NCOA3: variants seen among roughly 807,000 people sequenced by gnomAD.
NCOA3 encodes CBP-interacting protein.
Under a neutral mutation model 158.8 loss-of-function variants are expected in NCOA3, and 51 were observed. The ratio of observed to expected loss-of-function variants is 0.32; its 90% CI spans 0.26 to 0.41. NCOA3 has a LOEUF of 0.41. Among genes scored for constraint, NCOA3 ranks in the 10% least tolerant of loss-of-function variants. The pLI is 1.00. For missense variants in NCOA3, 1,510 were observed against 1,746.6 expected (o/e 0.86, Z 2.41); for synonymous variants, 537 against 592.4 (o/e 0.91, Z 1.36).
At chr20:47,607,659 A>T (rs1222469188) in intron 2 of NCOA3, among the ~76,000 whole-genome samples, 2 of 152,224 alleles carry the variant, frequency 1.3e-5, no homozygotes, top group South Asian at 4.1e-4. Flanking sequence ...GTCTGACCCA[A>T]CTTAGAACTC....
intron 1 of NCOA3, among the ~76,000 whole-genome samples, chr20:47,544,366 C>G (rs993189942): frequency 2.7e-5 from 4 of 145,660 alleles, no homozygotes; most frequent in Non-Finnish European, 4.5e-5. Context: ...CACTGTCACC[C>G]AGGCTGGAAT....
In NCOA3 at chr20:47,655,836, C is replaced by G. The variant is rs896747286; in HGVS notation, c.*2419C>G. 6.6e-6 allele frequency: 1 copy of G among 152,404 alleles called. No homozygotes were observed. Among genetic ancestry groups the G allele is most frequent in the African/African-American group, 2.4e-5 (1 of 41,406 alleles). The allele number at this position is 152,404 out of a possible 1,614,324, so 9.4% of individuals were successfully genotyped here. On this transcript the variant is annotated 3_prime_UTR_variant, in exon 23 of 23. Transcript: ENST00000371998. ...ACCTGGCTCCAGGCTAACTGGAAGG[C>G]AGCACTCCCTTTTTTATATAGTAGA... is the stretch of plus-strand genomic sequence containing the variant.
intron 19 of NCOA3, among the ~76,000 whole-genome samples, chr20:47,649,492 AAAAT>A (rs1439324366): frequency 5.3e-5 from 8 of 152,162 alleles, no homozygotes; most frequent in Admixed American, 4.6e-4. Context: ...TATAAAGAAG[AAAAT>A]AAAGAATACA....
chr20:47,518,363 T>G (rs764704137), intron 1 of NCOA3, among the ~76,000 whole-genome samples: 8 of 149,962 alleles, frequency 5.3e-5, no homozygotes, highest in Non-Finnish European at 1.2e-4. Flanking sequence ...ATAAATTAAA[T>G]TGGGGGAAAA....
chr20:47,640,026 C>T lies in NCOA3; in HGVS notation c.3055C>T (p.Gln1019Ter). The T allele has an allele frequency of 6.2e-7, 1 of 1,614,152 alleles. No individual in the cohort carries two copies. Among genetic ancestry groups the T allele is most frequent in the Non-Finnish European group, 8.5e-7 (1 of 1,180,032 alleles). The change falls in exon 16 of 23, where the codon CAA becomes TAA. Residue 1019 changes from glutamine to a stop codon, truncating the protein, a stop_gained. Coordinates refer to ENST00000371998, the MANE Select transcript of NCOA3 (RefSeq NM_181659.3). LOFTEE classifies it high-confidence loss of function. ...GCCCGATGGCATGTTGTCCATGGAACAAGTTTCTCATGGCACTCAAAATAG... is the reference window on the plus strand; with the variant it reads ...GCCCGATGGCATGTTGTCCATGGAATAAGTTTCTCATGGCACTCAAAATAG... Reference protein sequence around the residue: ...SWPDGMLSMEQVSHGTQNRPL... With the variant: ...SWPDGMLSME
In NCOA3 at chr20:47,654,162, A is replaced by G. The variant is rs1307482558; in HGVS notation, c.*745A>G. The G allele has an allele frequency of 1.3e-5, 2 of 152,654 alleles. No homozygotes were observed. The highest frequency in any genetic ancestry group is 6.5e-5 in the Admixed American group (1 of 15,282). The allele number at this position is 152,654 out of a possible 1,614,324, so 9.5% of individuals were successfully genotyped here. A position where few individuals can be genotyped will look rare whatever the true frequency, so the allele number is the denominator to read the frequency against. ...TATTTAAAAAGAATGGATAAATGCAATATTCTTGAGGTCTTGAGGGAATAG... is the reference window on the plus strand; with the variant it reads ...TATTTAAAAAGAATGGATAAATGCAGTATTCTTGAGGTCTTGAGGGAATAG... On this transcript the variant is annotated 3_prime_UTR_variant, in exon 23 of 23. Transcript: ENST00000371998.
chr20:47,555,529 G>A (rs1249391227), intron 1 of NCOA3, among the ~76,000 whole-genome samples: 1 of 152,060 alleles, frequency 6.6e-6, no homozygotes, highest in Non-Finnish European at 1.5e-5. Flanking sequence ...CAATAATGGG[G>A]AGAATTGTAG....
chr20:47,608,441 C>T (rs1278899007), intron 2 of NCOA3, among the ~76,000 whole-genome samples: 1 of 151,752 alleles, frequency 6.6e-6, no homozygotes, highest in African/African-American at 2.4e-5. Flanking sequence ...AGTTGGAGAC[C>T]AGCCTGGGAA....
chr20:47,502,272 C>T (rs1945434637), intron 1 of NCOA3, among the ~76,000 whole-genome samples: 1 of 152,162 alleles, frequency 6.6e-6, no homozygotes, highest in African/African-American at 2.4e-5. Context: ...CTTGGGGATC[C>T]GAGGGGGTCC....
intron 1 of NCOA3, among the ~76,000 whole-genome samples, chr20:47,555,102 T>G (rs1443795253): frequency 6.6e-6 from 1 of 152,164 alleles, no homozygotes; most frequent in Non-Finnish European, 1.5e-5. Context: ...AAACAAGCAA[T>G]GGGGAAAGGA....
At chr20:47,584,873 CAT>C in intron 2 of NCOA3, among the ~76,000 whole-genome samples, 1 of 152,102 alleles carries the variant, frequency 6.6e-6, no homozygotes, top group Middle Eastern at 3.4e-3. Context: ...CAAATACAAA[CAT>C]AATTTTGGGG....
intron 1 of NCOA3, among the ~76,000 whole-genome samples, chr20:47,550,446 GA>G (rs3091464): frequency 6.8e-5 from 8 of 117,722 alleles, no homozygotes; most frequent in Admixed American, 9.8e-5. Flanking sequence ...CTCCGTCTCA[GA>G]AAAAAAAAAA....
At chr20:47,550,796 G>T (rs537796126) in intron 1 of NCOA3, among the ~76,000 whole-genome samples, 1 of 152,278 alleles carries the variant, frequency 6.6e-6, no homozygotes, top group South Asian at 2.1e-4. Context: ...TCAGTGGTGG[G>T]AGAAGGACAA....
chr20:47,627,247 G>A lies in NCOA3; in HGVS notation c.532+71G>A, dbSNP rs572271595. On this transcript the variant is annotated intron_variant, in intron 6 of 22. Coordinates refer to ENST00000371998, the MANE Select transcript of NCOA3 (RefSeq NM_181659.3). ...TTGACCATTTCTTAGAAAATTGAAT[G>A]TATCTTTTAGGAAGTCAAGCGATCA... 3.9e-6 allele frequency: 5 copies of A among 1,266,792 alleles called. No individual in the cohort carries two copies. The South Asian group carries it at 4.5e-5, about 11-fold the overall frequency. The allele number at this position is 1,266,792 out of a possible 1,614,324, so 78.5% of individuals were successfully genotyped here. A position where few individuals can be genotyped will look rare whatever the true frequency, so the allele number is the denominator to read the frequency against.
At chr20:47,653,368 A>ATTTTTTTTTTTTTTTTTTTTTTTTTT in intron 22 of NCOA3, 38 bp from the exon 23 acceptor site, 1 of 1,389,738 alleles carries the variant, frequency 7.2e-7, no homozygotes, top group Non-Finnish European at 9.6e-7. Flanking sequence ...TGTTTTACTC[A>ATTTTTTTTTTTTTTTTTTTTTTTTTT]TTTTTTTTTT....
At chr20:47,523,395 C>G (rs1389751330) in intron 1 of NCOA3, among the ~76,000 whole-genome samples, 1 of 152,118 alleles carries the variant, frequency 6.6e-6, no homozygotes, top group Non-Finnish European at 1.5e-5. Context: ...GCTGGCCTGT[C>G]CATGTGTGGT....
intron 5 of NCOA3, 40 bp from the exon 6 acceptor site, chr20:47,626,962 T>C: frequency 6.5e-7 from 1 of 1,531,108 alleles, no homozygotes; most frequent in South Asian, 1.2e-5. Flanking sequence ...GAGGATACAA[T>C]TCAGTCCATA....
At chr20:47,614,482 A>G (rs937538823) in intron 2 of NCOA3, among the ~76,000 whole-genome samples, 11 of 152,194 alleles carry the variant, frequency 7.2e-5, no homozygotes, top group East Asian at 1.9e-4. Flanking sequence ...AAAAATTTCC[A>G]TAAGTTACTG....
intron 1 of NCOA3, among the ~76,000 whole-genome samples, chr20:47,529,137 CTTTTTTTT>C (rs962146166): frequency 2.1e-5 from 3 of 141,386 alleles, no homozygotes; most frequent in Non-Finnish European, 3.1e-5. Flanking sequence ...AATTTTTTTT[CTTTTTTTT>C]TTTTTGAGAT....
Sources: allele counts gnomAD v4.1 joint callset (sites outside exome capture counted in the v4.1 genomes callset), GRCh38; gene constraint gnomAD v4.1.1; transcripts MANE v1.5; gene names NCBI Gene and HGNC (gene_info 2026-07-23, HGNC 2026-07-21).